TRPV6: variants seen among roughly 807,000 people sequenced by gnomAD.
TRPV6 encodes transient receptor potential cation channel subfamily V member 6.
A neutral mutation model predicts 79.0 loss-of-function variants in TRPV6; 39 were observed. The observed-to-expected ratio is 0.49, with a 90% CI of 0.38 to 0.64. The LOEUF (loss-of-function observed/expected upper bound fraction) is 0.64, where lower values mean the gene tolerates loss of function less well. Among genes scored for constraint, TRPV6 ranks in the 30% least tolerant of loss-of-function variants. TRPV6 has a pLI of 0.00. For synonymous variants in TRPV6, 373 were observed against 391.9 expected (o/e 0.95, Z 0.57); for missense variants, 813 against 1,011.1 (o/e 0.80, Z 2.66).
chr7:142,885,448 G>T lies in TRPV6; in HGVS notation c.189C>A (p.Phe63Leu). The change falls in exon 1 of 15, where the codon TTC (phenylalanine) becomes TTA (leucine). Residue 63 changes from phenylalanine to leucine, a missense_variant. Coordinates refer to ENST00000359396, the MANE Select transcript of TRPV6 (RefSeq NM_018646.6). ...TCTGGGCCCAGGACTCCCGTCTCTG[G>T]AACCATCTGCAGAACTTGCTCCATA... 1 of 1,613,930 alleles carries T rather than the reference G, an allele frequency of 6.2e-7. No homozygotes were observed. Among genetic ancestry groups the T allele is most frequent in the South Asian group, 1.1e-5 (1 of 91,056 alleles).
intron 1 of TRPV6, chr7:142,879,392 AC>A (rs1252776325): frequency 6.6e-6 from 1 of 152,104 alleles, no homozygotes; most frequent in African/African-American, 2.4e-5. Flanking sequence ...ATTAGAACTT[AC>A]CCCAACTAAG....
intron 1 of TRPV6, 85 bp from the exon 2 acceptor site, chr7:142,878,111 T>C: frequency 5.5e-6 from 6 of 1,097,982 alleles, no homozygotes; most frequent in Non-Finnish European, 7.0e-6. Context: ...TCCATTATTA[T>C]ACACAGATGT....
Position 142,874,062 on chromosome 7 carries a change from G to C in TRPV6, c.1639+14C>G. On this transcript the variant is annotated intron_variant, in intron 12 of 14. Transcript: ENST00000359396. ...CTTCCCTGCCATGGCCCCTGGTCCT[G>C]GACAGATGATTACCTGAAGCAAAGC... is the stretch of plus-strand genomic sequence containing the variant. 6.2e-7 allele frequency: 1 copy of C among 1,612,606 alleles called. No homozygotes were observed. Among genetic ancestry groups the C allele is most frequent in the Non-Finnish European group, 8.5e-7 (1 of 1,179,302 alleles).
At chr7:142,879,054 C>T (rs1418887350) in intron 1 of TRPV6, 1 of 152,214 alleles carries the variant, frequency 6.6e-6, no homozygotes, top group Non-Finnish European at 1.5e-5. Context: ...GACCAGCTGT[C>T]TAGAGGGCTT....
At chr7:142,872,036 A>T (rs1272845235) in intron 14 of TRPV6, 47 bp from the exon 15 acceptor site, 1 of 1,532,632 alleles carries the variant, frequency 6.5e-7, no homozygotes, top group Non-Finnish European at 8.8e-7. Flanking sequence ...CTTGAAGAAC[A>T]GATCCAAGAA....
At position 142,875,575 on chromosome 7, in the gene TRPV6, A is replaced by G; in HGVS notation, c.1135T>C (p.Tyr379His). 6.2e-7 allele frequency: 1 copy of G among 1,613,568 alleles called. No homozygotes were observed. Residue 379 changes from tyrosine (Y) to histidine (H), a missense_variant, in exon 8 of 15, where the codon TAC (tyrosine) becomes CAC (histidine). Physicochemically the swap from Tyr to His is moderately conservative, Grantham distance 83 (BLOSUM62 2). Transcript: ENST00000359396. ...CAGCACATGGTGAAGCAGATGATGTACAGCAGATATATGGCACCCAGCATG... is the reference window on the plus strand; with the variant it reads ...CAGCACATGGTGAAGCAGATGATGTGCAGCAGATATATGGCACCCAGCATG...
intron 11 of TRPV6, 79 bp downstream of exon 11, chr7:142,874,410 CTA>C: frequency 6.4e-7 from 1 of 1,552,094 alleles, no homozygotes; most frequent in Non-Finnish European, 8.9e-7. Context: ...CCTGCAATGT[CTA>C]CTGTTCTGCC....
At chr7:142,875,711 G>T in intron 7 of TRPV6, 31 bp from the exon 8 acceptor site, 2 of 1,603,494 alleles carry the variant, frequency 1.2e-6, no homozygotes, top group Non-Finnish European at 1.7e-6. Flanking sequence ...GTGGCTCAGA[G>T]ACCCTGACAC....
rs1480638367 is a variant in TRPV6, at chr7:142,873,584, A to G, written c.1772T>C (p.Leu591Pro). The change falls in exon 13 of 15, where the codon CTG (leucine) becomes CCG (proline). Residue 591 changes from leucine (L) to proline (P), a missense_variant. Around this residue, in one of 3 missense-constraint regions of TRPV6, gnomAD observed 94 missense variants for 194.0 expected, o/e 0.48. Coordinates refer to ENST00000359396, the MANE Select transcript of TRPV6 (RefSeq NM_018646.6). This position sits in a 1 kb window ranked among gnomAD's most constrained non-coding sequence, Gnocchi z 4.8. Reference sequence around the variant, plus strand: ...ATAGGTGATGCTGTACATGAAGGGCAGGTCCACGTTGTAGTTGGCTGGGCC... The same window carrying G: ...ATAGGTGATGCTGTACATGAAGGGCGGGTCCACGTTGTAGTTGGCTGGGCC... 1 of 1,614,126 alleles carries G rather than the reference A, an allele frequency of 6.2e-7. No homozygotes were observed. Among genetic ancestry groups the G allele is most frequent in the Non-Finnish European group, 8.5e-7 (1 of 1,180,056 alleles).
At chr7:142,876,088 T>C in intron 6 of TRPV6, 184 bp from the exon 7 acceptor site, 1 of 688,506 alleles carries the variant, frequency 1.5e-6, no homozygotes, top group Non-Finnish European at 2.3e-6. Context: ...CCTCATCCTC[T>C]CCCATGACTC....
rs745608332 is a variant in TRPV6 at position 142,871,745 on chromosome 7, C to T, written c.2260G>A (p.Gly754Ser). 8 of 1,612,746 alleles carry T rather than the reference C, an allele frequency of 5.0e-6. No homozygotes were observed. In the South Asian group the frequency reaches 6.6e-5, roughly 13 times the overall value. The change falls in exon 15 of 15, where the codon GGT becomes AGT. Residue 754 changes from glycine to serine, a missense_variant. Physicochemically the swap from Gly to Ser is moderately conservative, Grantham distance 56. Transcript: ENST00000359396. The stretch of plus-strand genomic sequence containing the variant: ...TCCCAGCTCTCCCCGTCCTCCAGAC[C>T]CCTGTTGATTATCCCACGCAGGTCT...
chr7:142,875,763 G>A lies in TRPV6; in HGVS notation c.1024C>T (p.Arg342Trp), dbSNP rs769173936. 1.2e-5 allele frequency: 20 copies of A among 1,602,412 alleles called. No homozygotes were observed. Among genetic ancestry groups the A allele is most frequent in the East Asian group, 6.7e-5 (3 of 44,744 alleles). ...CCTGCTGTCATGAGCCATACCTCCC[G>A]CTTCTTGGTGGTGATGATAAGTTCC... The change falls in exon 7 of 15, where the codon CGG (arginine) becomes TGG (tryptophan). Residue 342 changes from arginine (R) to tryptophan (W), a missense_variant. Arg to Trp is a moderately radical substitution (Grantham distance 101). Transcript: ENST00000359396.
intron 8 of TRPV6, 101 bp from the exon 9 acceptor site, chr7:142,875,265 A>T: frequency 6.9e-7 from 1 of 1,443,304 alleles, no homozygotes; most frequent in South Asian, 1.2e-5. Flanking sequence ...ATTCTTTTTA[A>T]TCTGTTAGGT....
At chr7:142,872,623 C>G in intron 13 of TRPV6, 145 bp from the exon 14 acceptor site, 1 of 822,520 alleles carries the variant, frequency 1.2e-6, no homozygotes, top group Non-Finnish European at 1.9e-6. Flanking sequence ...GACCCAACAT[C>G]CATGACGCAG....
At chr7:142,881,905 G>C (rs1324299138) in intron 1 of TRPV6, 1 of 152,244 alleles carries the variant, frequency 6.6e-6, no homozygotes, top group Non-Finnish European at 1.5e-5. Flanking sequence ...GAGAAACAAG[G>C]CAGGATCACA....
At position 142,875,970 on chromosome 7, in the gene TRPV6, ATGCATGTGCAGGAGGACGG is replaced by A. The variant is rs547067557; in HGVS notation, c.883-85_883-67del. On this transcript the variant is annotated intron_variant, in intron 6 of 14. Coordinates refer to ENST00000359396, the MANE Select transcript of TRPV6 (RefSeq NM_018646.6). ...GGGACGGTCACAGAGTGTGGATAGG[ATGCATGTGCAGGAGGACGG>A]CACCCCTGGAGAAGGTGGCTGCCCT... The A allele has an allele frequency of 6.0e-5, 90 of 1,500,594 alleles. No homozygotes were observed. The East Asian group carries it at 2.0e-3, about 33-fold the overall frequency. The allele number at this position is 1,500,594 out of a possible 1,614,324, so 93.0% of individuals were successfully genotyped here. A position where few individuals can be genotyped will look rare whatever the true frequency, so the allele number is the denominator to read the frequency against.
rs992510873 is a variant in TRPV6 at position 142,874,128 on chromosome 7, G to T, written c.1587C>A (p.Asp529Glu). 6 of 1,613,634 alleles carry T rather than the reference G, an allele frequency of 3.7e-6. No individual in the cohort carries two copies. The highest frequency in any genetic ancestry group is 2.7e-5 in the African/African-American group (2 of 74,900). Residue 529 changes from aspartate (D) to glutamate (E), a missense_variant, in exon 12 of 15, where the codon GAC (aspartate) becomes GAA (glutamate). Physicochemically the swap from Asp to Glu is conservative, Grantham distance 45 (BLOSUM62 2). Transcript: ENST00000359396. Reference sequence around the variant, plus strand: ...CCATCAGCCAGCAGAATCGCATCAGGTCGCCAAAAATCATCTAGAAGGAGC... The same window carrying T: ...CCATCAGCCAGCAGAATCGCATCAGTTCGCCAAAAATCATCTAGAAGGAGC...
rs564645717 is a variant in TRPV6, at chr7:142,876,146, T to G, written c.883-242A>C. ...GACGAGAGGCTGGAGGGCCCTGCTC[T>G]GGGGGCTGAAAGGGAAGGTGGGCTG... is the stretch of plus-strand genomic sequence containing the variant. On this transcript the variant is annotated intron_variant, in intron 6 of 14. Transcript: ENST00000359396. 5.8e-6 allele frequency: 4 copies of G among 684,940 alleles called. No homozygotes were observed. The East Asian group carries it at 8.2e-5, about 14-fold the overall frequency. 42.4% of individuals were successfully genotyped at this position (684,940 alleles called of 1,614,324 possible).
At position 142,871,524 on chromosome 7, in the gene TRPV6, G is replaced by T; in HGVS notation, c.*183C>A. On this transcript the variant is annotated 3_prime_UTR_variant, in exon 15 of 15. Coordinates refer to ENST00000359396, the MANE Select transcript of TRPV6 (RefSeq NM_018646.6). Reference sequence around the variant, plus strand: ...CTTGGGCTGGGCTTCCTCTGCCCCAGAGCTGAAGGAGTAATGCAGGCCTGG... The same window carrying T: ...CTTGGGCTGGGCTTCCTCTGCCCCATAGCTGAAGGAGTAATGCAGGCCTGG... 1.3e-6 allele frequency: 1 copy of T among 754,726 alleles called. No homozygotes were observed. The highest frequency in any genetic ancestry group is 2.1e-6 in the Non-Finnish European group (1 of 485,726). 46.8% of individuals were successfully genotyped at this position (754,726 alleles called of 1,614,324 possible).
Sources: allele counts gnomAD v4.1 joint callset, GRCh38; gene constraint gnomAD v4.1.1; regional missense constraint gnomAD v4.1.1; non-coding constraint Gnocchi (gnomAD v3.1); transcripts MANE v1.5; gene names NCBI Gene and HGNC (gene_info 2026-07-23, HGNC 2026-07-21).